Variants in CENPP observed in about 807,000 individuals in gnomAD.
CENPP encodes the protein centromere protein P.
Under a neutral mutation model 35.6 loss-of-function variants are expected in CENPP, and 24 were observed. The ratio of observed to expected loss-of-function variants is 0.67; its 90% CI spans 0.49 to 0.95. CENPP has a LOEUF of 0.95. CENPP is among the 40% of genes least tolerant of loss of function. CENPP has a pLI of 0.00. For missense variants in CENPP, 332 were observed against 345.3 expected, an observed-to-expected ratio of 0.96 and a Z score of 0.31; for synonymous variants, 120 against 125.5, an observed-to-expected ratio of 0.96 and a Z score of 0.29.
intron 5 of CENPP, among the ~76,000 whole-genome samples, chr9:92,501,219 C>T (rs942427870): frequency 6.6e-6 from 1 of 152,170 alleles, no homozygotes; most frequent in Non-Finnish European, 1.5e-5. Flanking sequence ...GCCCTAGTCT[C>T]TTGCACCAAG....
chr9:92,400,167 T>C (rs1843050144), intron 5 of CENPP, among the ~76,000 whole-genome samples: 2 of 152,228 alleles, frequency 1.3e-5, no homozygotes, highest in East Asian at 1.9e-4. Flanking sequence ...TTTGTTTTTT[T>C]TGAGACAGAG....
At chr9:92,532,039 T>TTTTTTTTTTTTTTTTTTTTTG (rs1848826400) in intron 5 of CENPP, among the ~76,000 whole-genome samples, 1 of 141,098 alleles carries the variant, frequency 7.1e-6, no homozygotes, top group Non-Finnish European at 1.5e-5. Context: ...ATTTTATTTT[T>TTTTTTTTTTTTTTTTTTTTTG]TTTTTGAGAT....
chr9:92,514,705 A>G, intron 5 of CENPP: 1 of 1,613,592 alleles, frequency 6.2e-7, no homozygotes, highest in Non-Finnish European at 8.5e-7. Context: ...GATGCAGCTG[A>G]TGGTCCTGTA....
chr9:92,482,159 AT>A (rs1393266295), intron 5 of CENPP: 7 of 152,146 alleles, frequency 4.6e-5, no homozygotes, highest in Non-Finnish European at 7.4e-5. Flanking sequence ...TTAAATGCTG[AT>A]TTTTAAGAAA....
chr9:92,391,364 G>A (rs1170377334), intron 5 of CENPP, among the ~76,000 whole-genome samples: 1 of 152,042 alleles, frequency 6.6e-6, no homozygotes, highest in African/African-American at 2.4e-5. Flanking sequence ...CCGAGATGGT[G>A]CCACTGCACT....
intron 4 of CENPP, among the ~76,000 whole-genome samples, chr9:92,346,313 C>T (rs553795658): frequency 1.1e-4 from 17 of 152,048 alleles, no homozygotes; most frequent in Non-Finnish European, 2.5e-4. Flanking sequence ...ATTTGACTAG[C>T]AGAGAGAACA....
rs950301047 is a variant in CENPP at position 92,357,057 on chromosome 9, A to C, written c.467+11270A>C. On this transcript the variant is annotated intron_variant, in intron 4 of 7. Coordinates refer to ENST00000375587, the MANE Select transcript of CENPP (RefSeq NM_001012267.3). ...GGAGTCACAAATGAAAATTACATTA[A>C]TACTAGCTTTTAGTCTAATTTTTAA... 6.0e-4 allele frequency among the ~76,000 whole-genome samples: 91 copies of C among 152,240 alleles called. 1 individual carries two copies. The highest frequency in any genetic ancestry group is 5.9e-3 in the Admixed American group (90 of 15,278).
chr9:92,415,363 A>C, intron 5 of CENPP: 1 of 1,612,670 alleles, frequency 6.2e-7, no homozygotes, highest in Non-Finnish European at 8.5e-7. Flanking sequence ...AGGGAAGCAG[A>C]AGAAGATGTA....
intron 5 of CENPP, among the ~76,000 whole-genome samples, chr9:92,503,824 T>C (rs1293386317): frequency 6.6e-6 from 1 of 152,210 alleles, no homozygotes; most frequent in Admixed American, 6.5e-5. Context: ...AAGAGACTAG[T>C]CAAATAAATC....
intron 5 of CENPP, among the ~76,000 whole-genome samples, chr9:92,387,702 T>A (rs1842491701): frequency 6.6e-6 from 1 of 152,214 alleles, no homozygotes; most frequent in African/African-American, 2.4e-5. Flanking sequence ...AACCTAATTC[T>A]ACTAGTGACT....
At position 92,497,988 on chromosome 9, in the gene CENPP, T is replaced by C. The variant is rs533465490; in HGVS notation, c.565-113326T>C. ...CCTTCCACCATGAGTGGAAGCAGCC[T>C]GAAGGCCCTCACCAGATGCAGATGC... On this transcript the variant is annotated intron_variant, in intron 5 of 7. Transcript: ENST00000375587. Among the ~76,000 whole-genome samples the C allele has an allele frequency of 2.0e-3, 311 of 152,096 alleles. 3 individuals are homozygous for C. Among genetic ancestry groups the C allele is most frequent in the Middle Eastern group, 3.4e-3 (1 of 292 alleles).
At chr9:92,396,519 C>T (rs1048740292) in intron 5 of CENPP, among the ~76,000 whole-genome samples, 9 of 151,844 alleles carry the variant, frequency 5.9e-5, no homozygotes, top group African/African-American at 2.4e-5. Context: ...TCTTTATTTT[C>T]TCTTAGCAGC....
chr9:92,493,855 G>C (rs2131126873), intron 5 of CENPP: 1 of 316,984 alleles, frequency 3.2e-6, no homozygotes, highest in Middle Eastern at 8.6e-4. Flanking sequence ...TTTTTTTCTT[G>C]GGATTCTGCA....
At chr9:92,328,706 C>G (rs1330949395) in intron 1 of CENPP, among the ~76,000 whole-genome samples, 1 of 152,142 alleles carries the variant, frequency 6.6e-6, no homozygotes, top group Non-Finnish European at 1.5e-5. Context: ...TGAGGACAAA[C>G]TTACAAATAA....
In CENPP at chr9:92,471,664, CT is replaced by C. The variant is rs569488274; in HGVS notation, c.564+91822del. Among the ~76,000 whole-genome samples, 973 of 135,584 alleles carry C rather than the reference CT, an allele frequency of 7.2e-3. 3 individuals are homozygous for C. Among genetic ancestry groups the C allele is most frequent in the Middle Eastern group, 0.015 (4 of 274 alleles). The allele number at this position is 135,584 out of a possible 152,430, so 88.9% of individuals were successfully genotyped here. A position where few individuals can be genotyped will look rare whatever the true frequency, so the allele number is the denominator to read the frequency against. ...TCCACATACTGATTCATATATTATT[CT>C]TTTTTTTTTTTTTTTTAACTTGAGA... is the stretch of plus-strand genomic sequence containing the variant. On this transcript the variant is annotated intron_variant, in intron 5 of 7. Coordinates refer to ENST00000375587, the MANE Select transcript of CENPP (RefSeq NM_001012267.3).
At chr9:92,416,679 G>A (rs752327195) in intron 5 of CENPP, 1 of 1,610,180 alleles carries the variant, frequency 6.2e-7, no homozygotes, top group South Asian at 1.1e-5. Flanking sequence ...TAGAATGCTT[G>A]CTTCAATTTG....
At chr9:92,548,941 A>G (rs891084436) in intron 5 of CENPP, among the ~76,000 whole-genome samples, 15 of 152,222 alleles carry the variant, frequency 9.9e-5, no homozygotes, top group African/African-American at 3.6e-4. Flanking sequence ...AAGCCAAGAC[A>G]TTCCTGAAGA....
At chr9:92,554,748 C>T (rs1363180780) in intron 5 of CENPP, among the ~76,000 whole-genome samples, 1 of 152,184 alleles carries the variant, frequency 6.6e-6, no homozygotes, top group African/African-American at 2.4e-5. Context: ...AGCAAGTTTC[C>T]TGCCTCAGCC....
intron 5 of CENPP, among the ~76,000 whole-genome samples, chr9:92,523,236 T>C (rs941977654): frequency 1.5e-4 from 23 of 152,344 alleles, no homozygotes; most frequent in African/African-American, 5.3e-4. Flanking sequence ...TGAGTCACCA[T>C]GCCTGTTCAG....
Sources: gnomAD v4.1 joint callset for allele counts (sites outside exome capture counted in the v4.1 genomes callset) on GRCh38, gnomAD v4.1.1 for gene constraint, MANE v1.5 for transcripts, NCBI Gene and HGNC (gene_info 2026-07-23, HGNC 2026-07-21) for gene names.